Variants in CHN1 observed in about 807,000 individuals in gnomAD.
CHN1 encodes N-chimaerin.
A neutral mutation model predicts 59.5 loss-of-function variants in CHN1; 37 were observed. That is an observed-to-expected ratio of 0.62 (90% confidence interval 0.48 to 0.82). The LOEUF (loss-of-function observed/expected upper bound fraction) is 0.82. CHN1 is among the 40% of genes least tolerant of loss of function. The probability of loss-of-function intolerance (pLI) is 0.00; values close to 1 mark genes in which losing one functional copy is unlikely to be tolerated. For synonymous variants in CHN1, 206 were observed against 200.4 expected (o/e 1.03, Z -0.24); for missense variants, 469 against 571.0 (o/e 0.82, Z 1.82).
chr2:174,968,180 C>T (rs1413689353), intron 1 of CHN1, among the ~76,000 whole-genome samples: 1 of 152,194 alleles, frequency 6.6e-6, no homozygotes, highest in Non-Finnish European at 1.5e-5. Flanking sequence ...ATTACTAATA[C>T]TCACATCACA....
chr2:174,835,570 T>C (rs1351313909), intron 7 of CHN1, among the ~76,000 whole-genome samples: 1 of 151,784 alleles, frequency 6.6e-6, no homozygotes, highest in Non-Finnish European at 1.5e-5. Context: ...TGATGTTGTG[T>C]TCATTTTTTT....
At chr2:174,898,901 C>T (rs777117181) in intron 5 of CHN1, among the ~76,000 whole-genome samples, 62 of 152,012 alleles carry the variant, frequency 4.1e-4, no homozygotes, top group Non-Finnish European at 5.4e-4. Flanking sequence ...CCTAGTATTG[C>T]CACCCCAAAA....
At chr2:174,829,721 A>G (rs551258136) in intron 7 of CHN1, among the ~76,000 whole-genome samples, 1 of 152,312 alleles carries the variant, frequency 6.6e-6, no homozygotes, top group South Asian at 2.1e-4. Flanking sequence ...GGAAGGTGGC[A>G]ATGACATTTC....
chr2:175,001,303 A>T (rs1691882562), intron 1 of CHN1, among the ~76,000 whole-genome samples: 1 of 152,246 alleles, frequency 6.6e-6, no homozygotes, highest in South Asian at 2.1e-4. Context: ...GCTTTCAGTC[A>T]AATATGAAAA....
intron 5 of CHN1, among the ~76,000 whole-genome samples, chr2:174,907,052 GC>G (rs1339831024): frequency 6.6e-6 from 1 of 152,038 alleles, no homozygotes; most frequent in Non-Finnish European, 1.5e-5. Context: ...TAACTCAAAG[GC>G]TCTGAACACT....
chr2:174,935,834 G>A (rs1689481431), intron 3 of CHN1, among the ~76,000 whole-genome samples: 1 of 152,150 alleles, frequency 6.6e-6, no homozygotes, highest in African/African-American at 2.4e-5. Context: ...TCAGGAGGCT[G>A]AGGTAGAAGG....
At chr2:174,955,246 AATAG>A (rs1248846037) in intron 1 of CHN1, among the ~76,000 whole-genome samples, 3 of 149,510 alleles carry the variant, frequency 2.0e-5, no homozygotes, top group Middle Eastern at 3.3e-3. Context: ...TATAGAGATA[AATAG>A]ATAGACATAT....
At chr2:174,860,055 G>T (rs1687022284) in intron 6 of CHN1, among the ~76,000 whole-genome samples, 1 of 152,126 alleles carries the variant, frequency 6.6e-6, no homozygotes, top group African/African-American at 2.4e-5. Context: ...TAATATATCA[G>T]GGCTTCAAAC....
At chr2:174,931,974 A>G (rs76485451) in intron 3 of CHN1, among the ~76,000 whole-genome samples, 6,637 of 152,234 alleles carry the variant, frequency 0.044, 500 homozygotes, top group African/African-American at 0.15. Flanking sequence ...AGAGGACCTT[A>G]TAAGGCACTG....
intron 5 of CHN1, among the ~76,000 whole-genome samples, chr2:174,914,585 G>A (rs1284755136): frequency 1.3e-5 from 2 of 152,092 alleles, no homozygotes; most frequent in African/African-American, 4.8e-5. Context: ...GGTGGTTCAC[G>A]CCTATAATCC....
intron 11 of CHN1, among the ~76,000 whole-genome samples, chr2:174,805,635 G>C (rs985500355): frequency 1.3e-5 from 2 of 152,212 alleles, no homozygotes; most frequent in African/African-American, 4.8e-5. Context: ...GATGGCATTA[G>C]AGGAGGGCCT....
intron 8 of CHN1, among the ~76,000 whole-genome samples, chr2:174,812,844 G>A (rs1232858868): frequency 6.6e-6 from 1 of 152,124 alleles, no homozygotes; most frequent in African/African-American, 2.4e-5. Flanking sequence ...ATTTAATGTG[G>A]GGTATAATTG....
intron 5 of CHN1, among the ~76,000 whole-genome samples, chr2:174,891,157 A>G (rs534130071): frequency 1.1e-4 from 16 of 150,536 alleles, no homozygotes; most frequent in South Asian, 2.1e-4. Flanking sequence ...AAAAAAAAAA[A>G]AAAAAAAAGA....
Position 174,866,609 on chromosome 2 carries a change from A to G in CHN1, c.549+11231T>C, listed in dbSNP as rs964413725. ...GTAATTAGAATGCTATAGCCACAAG[A>G]TAGCAAAATAGTTCTGGTTTAAATA... On this transcript the variant is annotated intron_variant, in intron 6 of 12. Transcript: ENST00000409900. Among the ~76,000 whole-genome samples the G allele has an allele frequency of 2.6e-5, 4 of 152,346 alleles. 1 individual carries two copies. The highest frequency in any genetic ancestry group is 9.6e-5 in the African/African-American group (4 of 41,588).
chr2:174,985,660 A>G (rs1447665634), intron 1 of CHN1, among the ~76,000 whole-genome samples: 1 of 152,180 alleles, frequency 6.6e-6, no homozygotes, highest in African/African-American at 2.4e-5. Context: ...TACAGATCCC[A>G]GTGTGTTTTA....
chr2:174,849,284 C>A (rs569737413), intron 6 of CHN1, among the ~76,000 whole-genome samples: 1 of 152,214 alleles, frequency 6.6e-6, no homozygotes, highest in South Asian at 2.1e-4. Context: ...TTTTGTCATT[C>A]AGAGGTAAGG....
intron 5 of CHN1, among the ~76,000 whole-genome samples, chr2:174,887,642 A>G (rs989318189): frequency 1.3e-5 from 2 of 152,214 alleles, no homozygotes; most frequent in African/African-American, 4.8e-5. Flanking sequence ...TCAACCACCT[A>G]TATTTATTTA....
chr2:174,877,324 G>A (rs570452993), intron 6 of CHN1, among the ~76,000 whole-genome samples: 2 of 152,118 alleles, frequency 1.3e-5, no homozygotes, highest in South Asian at 2.1e-4. Flanking sequence ...AGATTATAAA[G>A]AGATAAATCC....
At chr2:174,906,535 G>C (rs1387995591) in intron 5 of CHN1, among the ~76,000 whole-genome samples, 4 of 152,128 alleles carry the variant, frequency 2.6e-5, no homozygotes, top group Non-Finnish European at 4.4e-5. Context: ...TCATAATTTT[G>C]TGAATGTACC....
Sources: allele counts gnomAD v4.1 joint callset (sites outside exome capture counted in the v4.1 genomes callset), GRCh38; gene constraint gnomAD v4.1.1; transcripts MANE v1.5; gene names NCBI Gene and HGNC (gene_info 2026-07-23, HGNC 2026-07-21).